ANO4: variants seen among roughly 807,000 people sequenced by gnomAD.
ANO4 encodes anoctamin 4.
ANO4 carries 69 observed loss-of-function variants against 141.9 expected under a neutral mutation model. That is an observed-to-expected ratio of 0.49 (90% confidence interval 0.40 to 0.59). The LOEUF (loss-of-function observed/expected upper bound fraction) is 0.59. Among genes scored for constraint, ANO4 ranks in the 20% least tolerant of loss-of-function variants. The pLI is 0.00. For missense variants in ANO4, 894 were observed against 1,162.2 expected (o/e 0.77, Z 3.36); for synonymous variants, 350 against 394.3 (o/e 0.89, Z 1.33).
chr12:100,952,237 T>TA (rs1395876574), intron 5 of ANO4, among the ~76,000 whole-genome samples: 1 of 152,218 alleles, frequency 6.6e-6, no homozygotes, highest in Non-Finnish European at 1.5e-5. Context: ...TAGATCCACT[T>TA]ACTACTTCAC....
At position 101,128,526 on chromosome 12, in the gene ANO4, A is replaced by T. The variant is rs2051419726; in HGVS notation, c.*670A>T. The T allele has an allele frequency of 6.5e-6, 1 of 152,690 alleles. No homozygotes were observed. Among genetic ancestry groups the T allele is most frequent in the Non-Finnish European group, 1.5e-5 (1 of 68,042 alleles). The allele number at this position is 152,690 out of a possible 1,614,324, so 9.5% of individuals were successfully genotyped here. ...ACTTGTAAATAGCCAAAAAGTACTG[A>T]CATGAGTGAATTTTCACATTTAAAT... On this transcript the variant is annotated 3_prime_UTR_variant, in exon 28 of 28. Coordinates refer to ENST00000392977, the MANE Select transcript of ANO4 (RefSeq NM_001286615.2).
At chr12:100,978,005 C>T (rs775796047) in intron 7 of ANO4, among the ~76,000 whole-genome samples, 14 of 152,296 alleles carry the variant, frequency 9.2e-5, no homozygotes, top group Non-Finnish European at 1.5e-4. Context: ...GAGGTCTACT[C>T]AGTCCTCAAA....
chr12:100,847,808 C>T (rs1262377161), intron 1 of ANO4, among the ~76,000 whole-genome samples: 1 of 152,198 alleles, frequency 6.6e-6, no homozygotes, highest in African/African-American at 2.4e-5. Flanking sequence ...TGAATGTTTA[C>T]TGTGGTGCAT....
Position 100,982,769 on chromosome 12 carries a change from A to G in ANO4, c.603-4770A>G, listed in dbSNP as rs796544796. Among the ~76,000 whole-genome samples, 16 of 152,370 alleles carry G rather than the reference A, an allele frequency of 1.1e-4. 1 individual carries two copies. The highest frequency in any genetic ancestry group is 3.8e-4 in the African/African-American group (16 of 41,584). ...CTTCCAGCTGACTCCAAAGTCCATCATTGTATACTAAAGGTTATCTAACAT... is the reference window on the plus strand; with the variant it reads ...CTTCCAGCTGACTCCAAAGTCCATCGTTGTATACTAAAGGTTATCTAACAT... On this transcript the variant is annotated intron_variant, in intron 7 of 27. Transcript: ENST00000392977.
At chr12:101,054,998 T>G (rs1371687010) in intron 14 of ANO4, among the ~76,000 whole-genome samples, 1 of 152,254 alleles carries the variant, frequency 6.6e-6, no homozygotes, top group East Asian at 1.9e-4. Flanking sequence ...TGTCAGTAGC[T>G]GGTTTCTTTT....
At chr12:100,827,470 G>GT (rs960448319) in intron 1 of ANO4, among the ~76,000 whole-genome samples, 4 of 151,644 alleles carry the variant, frequency 2.6e-5, no homozygotes, top group South Asian at 2.1e-4. Context: ...TATCTTTGTT[G>GT]TTTTTTTATC....
At chr12:101,045,731 A>AG (rs557993774) in intron 13 of ANO4, among the ~76,000 whole-genome samples, 28 of 152,272 alleles carry the variant, frequency 1.8e-4, no homozygotes, top group African/African-American at 4.8e-4. Flanking sequence ...TGGGATCATG[A>AG]GGGCCTCACA....
intron 1 of ANO4, among the ~76,000 whole-genome samples, chr12:100,858,365 T>G (rs1297088176): frequency 6.6e-6 from 1 of 152,150 alleles, no homozygotes; most frequent in Non-Finnish European, 1.5e-5. Flanking sequence ...TATGATATTA[T>G]AATTTTATGG....
chr12:100,911,867 A>G (rs2041115743), intron 2 of ANO4, among the ~76,000 whole-genome samples: 1 of 152,220 alleles, frequency 6.6e-6, no homozygotes, highest in Non-Finnish European at 1.5e-5. Context: ...TAAGGAAAAG[A>G]TAAATATATG....
rs113595141 is a variant in ANO4, at chr12:101,089,359, TA to T, written c.1701+2545del. Among the ~76,000 whole-genome samples, 752 of 146,804 alleles carry T rather than the reference TA, an allele frequency of 5.1e-3. 6 individuals carry two copies. Among genetic ancestry groups the T allele is most frequent in the African/African-American group, 0.017 (687 of 40,158 alleles). On this transcript the variant is annotated intron_variant, in intron 17 of 27. Coordinates refer to ENST00000392977, the MANE Select transcript of ANO4 (RefSeq NM_001286615.2). Reference sequence around the variant, plus strand: ...AAAAAGTTTCAAGACTCAGAAGTAATAAAAAAAAAAGGGCAGTTGCTGATCA... The same window carrying T: ...AAAAAGTTTCAAGACTCAGAAGTAATAAAAAAAAAGGGCAGTTGCTGATCA...
intron 3 of ANO4, among the ~76,000 whole-genome samples, chr12:100,936,180 A>G (rs530855584): frequency 4.1e-4 from 62 of 152,288 alleles, no homozygotes; most frequent in Non-Finnish European, 7.8e-4. Context: ...ATGGGAAAGA[A>G]AGAGCTCTCT....
At chr12:100,942,328 C>T (rs1436364978) in intron 4 of ANO4, 49 bp from the exon 5 acceptor site, 1 of 1,578,726 alleles carries the variant, frequency 6.3e-7, no homozygotes, top group Non-Finnish European at 8.6e-7. Flanking sequence ...CTCACTTGAA[C>T]CTCAATTTGA....
At chr12:101,046,560 G>T (rs527850913) in intron 13 of ANO4, among the ~76,000 whole-genome samples, 3 of 152,228 alleles carry the variant, frequency 2.0e-5, no homozygotes, top group Admixed American at 6.5e-5. Flanking sequence ...GTTTCTCAGG[G>T]TCTTTGTTTT....
intron 1 of ANO4, among the ~76,000 whole-genome samples, chr12:100,871,041 C>T (rs1465861166): frequency 1.3e-5 from 2 of 152,294 alleles, no homozygotes; most frequent in Middle Eastern, 6.8e-3. Context: ...CTTAACATCA[C>T]TATTTCCAAA....
chr12:101,056,938 G>A (rs1474930140), intron 14 of ANO4, among the ~76,000 whole-genome samples: 1 of 108,260 alleles, frequency 9.2e-6, no homozygotes, highest in Non-Finnish European at 1.9e-5. Flanking sequence ...ATGTGCCATC[G>A]TGGTTTGCTG....
At chr12:101,072,241 T>C (rs1363868021) in intron 14 of ANO4, among the ~76,000 whole-genome samples, 1 of 152,136 alleles carries the variant, frequency 6.6e-6, no homozygotes, top group Non-Finnish European at 1.5e-5. Context: ...TCAGCTAAAG[T>C]ATAAAGAGAG....
chr12:100,840,018 A>G (rs1345021736), intron 1 of ANO4, among the ~76,000 whole-genome samples: 1 of 152,070 alleles, frequency 6.6e-6, no homozygotes, highest in Non-Finnish European at 1.5e-5. Context: ...TTGTAATCAG[A>G]TGCTGCTGAG....
intron 24 of ANO4, among the ~76,000 whole-genome samples, chr12:101,114,034 T>G (rs753156125): frequency 1.3e-5 from 2 of 152,200 alleles, no homozygotes; most frequent in Non-Finnish European, 2.9e-5. Context: ...CAATTCTCCC[T>G]GATCATCAGT....
chr12:100,736,807 A>T (rs1054018940), intron 2 of ANO4, among the ~76,000 whole-genome samples: 1 of 152,138 alleles, frequency 6.6e-6, no homozygotes, highest in Non-Finnish European at 1.5e-5. Flanking sequence ...GATATGAGTG[A>T]TGCATCTCCA....
Sources: gnomAD v4.1 joint callset for allele counts (sites outside exome capture counted in the v4.1 genomes callset) on GRCh38, gnomAD v4.1.1 for gene constraint, MANE v1.5 for transcripts, NCBI Gene and HGNC (gene_info 2026-07-23, HGNC 2026-07-21) for gene names.